PTDSS2: variants seen among roughly 807,000 people sequenced by gnomAD.
PTDSS2 encodes the protein phosphatidylserine synthase 2.
In PTDSS2, 41 loss-of-function variants were observed where a neutral mutation model predicts 64.7. The observed-to-expected ratio is 0.63, with a 90% CI of 0.49 to 0.82. PTDSS2 has a LOEUF of 0.82. Ranked by LOEUF, PTDSS2 falls within the 40% of genes least tolerant of loss-of-function variation. PTDSS2 has a pLI of 0.00. For missense variants in PTDSS2, 485 were observed against 650.0 expected, an observed-to-expected ratio of 0.75 and a Z score of 2.76; for synonymous variants, 297 against 277.8, an observed-to-expected ratio of 1.07 and a Z score of -0.69.
intron 1 of PTDSS2, among the ~76,000 whole-genome samples, chr11:458,210 C>CTT (rs200105934): frequency 9.7e-5 from 14 of 144,620 alleles, no homozygotes; most frequent in Non-Finnish European, 1.1e-4. Context: ...TATTTTTTTT[C>CTT]TTTTTTTTTT....
chr11:465,449 A>G (rs1423844793), intron 2 of PTDSS2, among the ~76,000 whole-genome samples: 1 of 152,252 alleles, frequency 6.6e-6, no homozygotes, highest in Non-Finnish European at 1.5e-5. Flanking sequence ...CTGGGATTAC[A>G]GATGTGAGCT....
chr11:473,845 C>T (rs1409899443), intron 2 of PTDSS2, 50 bp from the exon 3 acceptor site: 1 of 1,428,872 alleles, frequency 7.0e-7, no homozygotes, highest in Non-Finnish European at 9.9e-7. Context: ...CCACCTCCCT[C>T]CTGGGAGAAG....
At chr11:477,791 G>C (rs939682655) in intron 3 of PTDSS2, among the ~76,000 whole-genome samples, 2 of 152,266 alleles carry the variant, frequency 1.3e-5, no homozygotes, top group African/African-American at 4.8e-5. Flanking sequence ...GCTGCCCCGA[G>C]TTAATTTCAC....
At chr11:474,506 T>C (rs1278014149) in intron 3 of PTDSS2, among the ~76,000 whole-genome samples, 2 of 152,072 alleles carry the variant, frequency 1.3e-5, no homozygotes, top group Admixed American at 6.6e-5. Context: ...AGCTGTGAGG[T>C]GCCGCCCACC....
In PTDSS2 at chr11:490,801, CGT is replaced by C. The variant is rs767311770; in HGVS notation, c.*224_*225del. 3.8e-5 allele frequency: 22 copies of C among 575,692 alleles called. No individual in the cohort carries two copies. The highest frequency in any genetic ancestry group is 2.2e-4 in the Admixed American group (7 of 31,556). The allele number at this position is 575,692 out of a possible 1,614,324, so 35.7% of individuals were successfully genotyped here. Reference sequence around the variant, plus strand: ...GTACGTGTGTATGCGTGTGTGTACGCGTGTGTACGCGCGTGTGTACACATGCG... The same window carrying C: ...GTACGTGTGTATGCGTGTGTGTACGCGTGTACGCGCGTGTGTACACATGCG... On this transcript the variant is annotated 3_prime_UTR_variant, in exon 12 of 12. Coordinates refer to ENST00000308020, the MANE Select transcript of PTDSS2 (RefSeq NM_030783.3).
At chr11:488,135 G>A (rs11820122) in intron 6 of PTDSS2, 64 bp from the exon 7 acceptor site, 227,294 of 1,203,260 alleles carry the variant, frequency 0.19, 25,502 homozygotes, top group African/African-American at 0.41. Flanking sequence ...GGGGCTGCAC[G>A]CACCCGTGGG....
At chr11:463,382 A>T (rs981621841) in intron 2 of PTDSS2, 1 of 141,456 alleles carries the variant, frequency 7.1e-6, no homozygotes, top group African/African-American at 2.6e-5. Context: ...GCCCACCACC[A>T]TGCCCAGACA....
rs759048974 is a variant in PTDSS2, at chr11:489,533, G to A, written c.969+19G>A. On this transcript the variant is annotated intron_variant, in intron 9 of 11. Transcript: ENST00000308020. Reference sequence around the variant, plus strand: ...CCTGGTGGTAAGGCCGGGCTGCCTCGCGACGGCGCGGCGGGCGGGGGGCCA... The same window carrying A: ...CCTGGTGGTAAGGCCGGGCTGCCTCACGACGGCGCGGCGGGCGGGGGGCCA... 50 of 1,610,566 alleles carry A rather than the reference G, an allele frequency of 3.1e-5. 1 individual carries two copies. The highest frequency in any genetic ancestry group is 4.0e-5 in the African/African-American group (3 of 74,844).
chr11:456,714 C>T (rs1183113189), intron 1 of PTDSS2, among the ~76,000 whole-genome samples: 1 of 152,144 alleles, frequency 6.6e-6, no homozygotes, highest in Non-Finnish European at 1.5e-5. Context: ...CGAATCCAGG[C>T]ACCCTTAGGA....
At chr11:487,941 G>A (rs1848470231) in intron 6 of PTDSS2, among the ~76,000 whole-genome samples, 1 of 152,228 alleles carries the variant, frequency 6.6e-6, no homozygotes, top group Admixed American at 6.5e-5. Flanking sequence ...CTCACTGGGG[G>A]CCCTGCCAGT....
At chr11:487,275 C>T in intron 5 of PTDSS2, 145 bp from the exon 6 acceptor site, 1 of 952,070 alleles carries the variant, frequency 1.1e-6, no homozygotes, top group African/African-American at 1.6e-5. Context: ...TGGACGTGGT[C>T]TCCACAGGCC....
chr11:490,740 GC>G lies in PTDSS2; in HGVS notation c.*162del. On this transcript the variant is annotated 3_prime_UTR_variant, in exon 12 of 12. Transcript: ENST00000308020. ...AGGCTGAAGGCGAGGGGTGGAGGAGGCCCCAGCACAGCCTCATCTCCATGTG... is the reference window on the plus strand; with the variant it reads ...AGGCTGAAGGCGAGGGGTGGAGGAGGCCCAGCACAGCCTCATCTCCATGTG... 1 of 699,664 alleles carries G rather than the reference GC, an allele frequency of 1.4e-6. No individual in the cohort carries two copies. The highest frequency in any genetic ancestry group is 2.3e-6 in the Non-Finnish European group (1 of 427,062). The allele number at this position is 699,664 out of a possible 1,614,324, so 43.3% of individuals were successfully genotyped here. A position where few individuals can be genotyped will look rare whatever the true frequency, so the allele number is the denominator to read the frequency against.
At chr11:457,451 C>T (rs546602970) in intron 1 of PTDSS2, among the ~76,000 whole-genome samples, 85 of 152,288 alleles carry the variant, frequency 5.6e-4, no homozygotes, top group Non-Finnish European at 9.4e-4. Flanking sequence ...TCTTTTGAGA[C>T]GGGATCTCAC....
chr11:490,099 A>T, intron 11 of PTDSS2, 31 bp downstream of exon 11: 1 of 1,577,016 alleles, frequency 6.3e-7, no homozygotes, highest in Non-Finnish European at 8.6e-7. Context: ...TATGTTCTGA[A>T]GGAGGGCCGC....
intron 1 of PTDSS2, among the ~76,000 whole-genome samples, chr11:456,080 A>G (rs1846578900): frequency 6.6e-6 from 1 of 151,716 alleles, no homozygotes; most frequent in African/African-American, 2.4e-5. Flanking sequence ...AGCCAGAGCC[A>G]CCGCGCTCCT....
rs143810679 is a variant in PTDSS2, at chr11:482,005, G to C, written c.435+2853G>C. Among the ~76,000 whole-genome samples the C allele has an allele frequency of 8.0e-3, 1,214 of 150,972 alleles. 20 individuals are homozygous for C. The highest frequency in any genetic ancestry group is 0.028 in the African/African-American group (1,165 of 41,112). On this transcript the variant is annotated intron_variant, in intron 4 of 11. Transcript: ENST00000308020. ...TTACAGGCATGCACCACCATGCCCA[G>C]CTAATTTTTTTTTTTTAATTTTTAG...
intron 4 of PTDSS2, among the ~76,000 whole-genome samples, chr11:484,468 ACT>A (rs1259521811): frequency 6.6e-6 from 1 of 152,228 alleles, no homozygotes; most frequent in East Asian, 1.9e-4. Context: ...GTGTGCACTC[ACT>A]GTGTGTGCAG....
intron 1 of PTDSS2, among the ~76,000 whole-genome samples, chr11:455,444 C>CCA (rs1273120256): frequency 6.6e-6 from 1 of 152,182 alleles, no homozygotes; most frequent in East Asian, 1.9e-4. Context: ...CCCGTGCACA[C>CCA]CACACCCTGT....
At chr11:477,773 G>C (rs926465769) in intron 3 of PTDSS2, among the ~76,000 whole-genome samples, 4 of 152,238 alleles carry the variant, frequency 2.6e-5, no homozygotes, top group Non-Finnish European at 5.9e-5. Context: ...AGCCCTTGTG[G>C]GGCGAGGGCT....
Sources: allele counts gnomAD v4.1 joint callset (sites outside exome capture counted in the v4.1 genomes callset), GRCh38; gene constraint gnomAD v4.1.1; transcripts MANE v1.5; gene names NCBI Gene and HGNC (gene_info 2026-07-23, HGNC 2026-07-21).